HECW2: variants seen among roughly 807,000 people sequenced by gnomAD.
HECW2 encodes the protein E3 ubiquitin-protein ligase HECW2.
In HECW2, 61 loss-of-function variants were observed where a neutral mutation model predicts 175.2. The ratio of observed to expected loss-of-function variants is 0.35; its 90% CI spans 0.28 to 0.43. The LOEUF is 0.43. Ranked by LOEUF, HECW2 falls within the 20% of genes least tolerant of loss-of-function variation. HECW2 has a pLI of 1.00. For missense variants in HECW2, 1,524 were observed against 2,000.5 expected, an observed-to-expected ratio of 0.76 and a Z score of 4.54; for synonymous variants, 671 against 731.0, an observed-to-expected ratio of 0.92 and a Z score of 1.32.
intron 1 of HECW2, among the ~76,000 whole-genome samples, chr2:196,560,172 T>G (rs536477472): frequency 1.2e-3 from 185 of 152,218 alleles, no homozygotes; most frequent in African/African-American, 4.1e-3. Flanking sequence ...ACAGCAAAGG[T>G]CTCACTCTTG....
chr2:196,558,823 G>A (rs1445444004), intron 1 of HECW2, among the ~76,000 whole-genome samples: 2 of 152,154 alleles, frequency 1.3e-5, no homozygotes, highest in Non-Finnish European at 2.9e-5. Flanking sequence ...CATTTGATGG[G>A]CAAAACTATC....
At chr2:196,366,896 C>A (rs1413930781) in intron 2 of HECW2, among the ~76,000 whole-genome samples, 1 of 151,854 alleles carries the variant, frequency 6.6e-6, no homozygotes, top group Admixed American at 6.6e-5. Context: ...TATTGTAAAC[C>A]AGGGGGAATT....
At chr2:196,542,573 T>C (rs1322301483) in intron 1 of HECW2, among the ~76,000 whole-genome samples, 4 of 152,044 alleles carry the variant, frequency 2.6e-5, no homozygotes, top group African/African-American at 9.7e-5. Flanking sequence ...ATGGTAAATA[T>C]TGAAAAGTCT....
chr2:196,488,505 AAGG>A (rs1263286331), intron 1 of HECW2, among the ~76,000 whole-genome samples: 1 of 152,146 alleles, frequency 6.6e-6, no homozygotes, highest in Admixed American at 6.5e-5. Context: ...AATGTTACAG[AAGG>A]AGATGTAATG....
At chr2:196,234,475 T>C (rs1688168297) in intron 21 of HECW2, among the ~76,000 whole-genome samples, 1 of 151,990 alleles carries the variant, frequency 6.6e-6, no homozygotes, top group African/African-American at 2.4e-5. Context: ...ATTTATTTTT[T>C]ATAGAAATGG....
intron 2 of HECW2, among the ~76,000 whole-genome samples, chr2:196,367,944 G>A (rs1012864143): frequency 3.3e-5 from 5 of 149,928 alleles, no homozygotes; most frequent in African/African-American, 1.2e-4. Context: ...ATATATATAT[G>A]AGATACATAT....
intron 1 of HECW2, among the ~76,000 whole-genome samples, chr2:196,473,561 AT>A (rs558055786): frequency 6.6e-6 from 1 of 152,004 alleles, no homozygotes; most frequent in East Asian, 1.9e-4. Context: ...GGAGGACTGG[AT>A]TTTTTTTAGA....
At position 196,362,926 on chromosome 2, in the gene HECW2, A is replaced by G. The variant is rs1485436468; in HGVS notation, c.293-19162T>C. On this transcript the variant is annotated intron_variant, in intron 2 of 28. Coordinates refer to ENST00000644978, the MANE Select transcript of HECW2 (RefSeq NM_001348768.2). ...GGAAAACTAGATGAAATGGTCTTAC[A>G]TGTCAGGTACATTTGCTGTGAAAAG... 1.1e-4 allele frequency among the ~76,000 whole-genome samples: 17 copies of G among 152,320 alleles called. No individual in the cohort carries two copies. The South Asian group carries it at 3.5e-3, about 32-fold the overall frequency.
At position 196,548,830 on chromosome 2, in the gene HECW2, G is replaced by A. The variant is rs116491478; in HGVS notation, c.-36+44678C>T. 5.1e-3 allele frequency among the ~76,000 whole-genome samples: 782 copies of A among 152,204 alleles called. 9 individuals are homozygous for A. Among genetic ancestry groups the A allele is most frequent in the African/African-American group, 0.018 (749 of 41,518 alleles). Reference sequence around the variant, plus strand: ...ACCCTCACCTTGGCTTATAGGTGGCGGTCTTTCTCCTATGCCTCCTCACAT... The same window carrying A: ...ACCCTCACCTTGGCTTATAGGTGGCAGTCTTTCTCCTATGCCTCCTCACAT... On this transcript the variant is annotated intron_variant, in intron 1 of 28. Coordinates refer to ENST00000644978, the MANE Select transcript of HECW2 (RefSeq NM_001348768.2).
intron 2 of HECW2, among the ~76,000 whole-genome samples, chr2:196,374,659 C>A (rs1360107091): frequency 6.6e-6 from 1 of 152,126 alleles, no homozygotes; most frequent in African/African-American, 2.4e-5. Flanking sequence ...ATGAAATATT[C>A]AGAAAGAAGT....
chr2:196,585,514 A>C (rs1324016185), intron 1 of HECW2, among the ~76,000 whole-genome samples: 1 of 152,208 alleles, frequency 6.6e-6, no homozygotes, highest in Non-Finnish European at 1.5e-5. Context: ...CATTAGGATG[A>C]GTTAGTTGAG....
At chr2:196,358,500 C>A (rs1243910313) in intron 2 of HECW2, among the ~76,000 whole-genome samples, 2 of 141,798 alleles carry the variant, frequency 1.4e-5, no homozygotes, top group African/African-American at 5.2e-5. Flanking sequence ...GCTTGAATCT[C>A]CCTTGAACAC....
intron 1 of HECW2, among the ~76,000 whole-genome samples, chr2:196,531,587 G>A (rs918469750): frequency 7.3e-5 from 11 of 151,658 alleles, no homozygotes; most frequent in African/African-American, 1.2e-4. Context: ...ACTTGAACCC[G>A]GTAAGCGGAG....
At chr2:196,503,236 A>G (rs535252128) in intron 1 of HECW2, among the ~76,000 whole-genome samples, 1 of 152,172 alleles carries the variant, frequency 6.6e-6, no homozygotes, top group South Asian at 2.1e-4. Context: ...AAACAACCCC[A>G]AGAAACAGGC....
intron 1 of HECW2, among the ~76,000 whole-genome samples, chr2:196,575,180 C>T (rs908071843): frequency 2.2e-5 from 3 of 136,276 alleles, no homozygotes; most frequent in Admixed American, 7.5e-5. Flanking sequence ...AAATGCTTAA[C>T]ATCACTAACC....
chr2:196,293,600 C>A (rs2105645188), intron 13 of HECW2, among the ~76,000 whole-genome samples: 1 of 152,282 alleles, frequency 6.6e-6, no homozygotes. Context: ...AATGGTTGAA[C>A]TAATTTACTA....
At chr2:196,396,130 T>C (rs1401577803) in intron 2 of HECW2, among the ~76,000 whole-genome samples, 1 of 152,150 alleles carries the variant, frequency 6.6e-6, no homozygotes, top group Admixed American at 6.5e-5. Flanking sequence ...AGGACAAATA[T>C]TGTATGATTC....
chr2:196,495,642 G>A (rs143439774), intron 1 of HECW2, among the ~76,000 whole-genome samples: 106 of 152,254 alleles, frequency 7.0e-4, no homozygotes, highest in African/African-American at 2.4e-3. Context: ...ATGTGCAAAG[G>A]CTTCTGCTCA....
At chr2:196,416,380 T>C (rs1055054042) in intron 2 of HECW2, among the ~76,000 whole-genome samples, 1 of 152,176 alleles carries the variant, frequency 6.6e-6, no homozygotes, top group Non-Finnish European at 1.5e-5. Context: ...TATTTGATCA[T>C]AAAGATCACC....
Sources: gnomAD v4.1 joint callset for allele counts (sites outside exome capture counted in the v4.1 genomes callset) on GRCh38, gnomAD v4.1.1 for gene constraint, MANE v1.5 for transcripts, NCBI Gene and HGNC (gene_info 2026-07-23, HGNC 2026-07-21) for gene names.